The following KCNQ5 variants were observed in gnomAD, a reference collection of about 807,000 sequenced individuals.
KCNQ5 encodes the protein potassium voltage-gated channel subfamily KQT member 5.
A neutral mutation model predicts 98.2 loss-of-function variants in KCNQ5; 30 were observed. The observed-to-expected ratio is 0.31, with a 90% CI of 0.23 to 0.41. The LOEUF (loss-of-function observed/expected upper bound fraction) is 0.41, where lower values mean the gene tolerates loss of function less well. KCNQ5 is among the 10% of genes least tolerant of loss of function. KCNQ5 has a pLI of 1.00. For missense variants in KCNQ5, 835 were observed against 1,182.5 expected (o/e 0.71, Z 4.31); for synonymous variants, 458 against 449.4 (o/e 1.02, Z -0.24).
intron 10 of KCNQ5, among the ~76,000 whole-genome samples, chr6:73,148,256 T>G (rs1382763370): frequency 1.3e-5 from 2 of 152,208 alleles, no homozygotes; most frequent in African/African-American, 2.4e-5. Flanking sequence ...GTAAGTAAGG[T>G]TAATTGACAA....
At chr6:72,948,509 GATTCACAGTCAGT>G (rs1766648720) in intron 1 of KCNQ5, among the ~76,000 whole-genome samples, 1 of 151,864 alleles carries the variant, frequency 6.6e-6, no homozygotes, top group Non-Finnish European at 1.5e-5. Flanking sequence ...CTTTTTAATG[GATTCACAGTCAGT>G]ATAAATTTTT....
At chr6:72,987,213 A>C (rs1240057890) in intron 1 of KCNQ5, 1 of 690,678 alleles carries the variant, frequency 1.4e-6, no homozygotes, top group Non-Finnish European at 2.8e-6. Context: ...TCTGAAAAGG[A>C]AGAAAAAGAA....
In KCNQ5 at chr6:72,703,042, G is replaced by A. The variant is rs574479512; in HGVS notation, c.398+80455G>A. 1.8e-4 allele frequency among the ~76,000 whole-genome samples: 27 copies of A among 152,280 alleles called. 1 individual carries two copies. The highest frequency in any genetic ancestry group is 1.7e-3 in the Admixed American group (26 of 15,290). On this transcript the variant is annotated intron_variant, in intron 1 of 13. Transcript: ENST00000370398. ...GCGCAGCCACAAGGCAGTCTATTTA[G>A]GATGCAGATCTGTTTCTGTCACCCC...
chr6:72,895,797 A>T (rs1779231852), intron 1 of KCNQ5, among the ~76,000 whole-genome samples: 1 of 151,732 alleles, frequency 6.6e-6, no homozygotes, highest in African/African-American at 2.4e-5. Flanking sequence ...AAAGAATGGA[A>T]AAAGGACTTT....
intron 1 of KCNQ5, among the ~76,000 whole-genome samples, chr6:72,706,944 A>G (rs1276503514): frequency 6.6e-6 from 1 of 152,182 alleles, no homozygotes; most frequent in African/African-American, 2.4e-5. Flanking sequence ...CAACATAATC[A>G]TTCTACCAGT....
rs1582174285 is a variant in KCNQ5 at position 73,003,982 on chromosome 6, G to A, written c.473G>A (p.Ser158Asn). 6.2e-7 allele frequency: 1 copy of A among 1,605,488 alleles called. No homozygotes were observed. Among genetic ancestry groups the A allele is most frequent in the Non-Finnish European group, 8.5e-7 (1 of 1,172,432 alleles). The change falls in exon 2 of 14, where the codon AGT becomes AAT. Residue 158 changes from serine (S) to asparagine (N), a missense_variant. By Grantham distance (46) the Ser-to-Asn change is conservative. Around this residue, in one of 10 missense-constraint regions of KCNQ5, gnomAD observed 20 missense variants for 16.1 expected, o/e 1.24. Transcript: ENST00000370398. Reference sequence around the variant, plus strand: ...CCTGAGCACACAAAATTGGCCTCAAGTTGCCTCTTGATCCTGGTAAGTGAA... The same window carrying A: ...CCTGAGCACACAAAATTGGCCTCAAATTGCCTCTTGATCCTGGTAAGTGAA... ...TIPEHTKLAS[S>N]CLLILEFVMI...
Position 73,130,635 on chromosome 6 carries a change from A to C in KCNQ5, c.1248-2786A>C, listed in dbSNP as rs535121566. 1.8e-4 allele frequency among the ~76,000 whole-genome samples: 28 copies of C among 152,352 alleles called. No individual in the cohort carries two copies. In the South Asian group the frequency reaches 5.8e-3, roughly 32 times the overall value. On this transcript the variant is annotated intron_variant, in intron 9 of 13. Transcript: ENST00000370398. ...AAAATAATGAAGACTTCAGTGTTTC[A>C]GTGAAGAGTCTATATTTTTAATCAA... is the stretch of plus-strand genomic sequence containing the variant.
At chr6:72,952,472 A>G (rs958835699) in intron 1 of KCNQ5, among the ~76,000 whole-genome samples, 3 of 152,198 alleles carry the variant, frequency 2.0e-5, no homozygotes, top group Non-Finnish European at 4.4e-5. Flanking sequence ...TCTAGACCAC[A>G]GTAGTCTAGA....
At chr6:72,803,787 A>T (rs1424404374) in intron 1 of KCNQ5, among the ~76,000 whole-genome samples, 3 of 152,094 alleles carry the variant, frequency 2.0e-5, no homozygotes, top group African/African-American at 7.2e-5. Flanking sequence ...ATTTTCCTGA[A>T]GTGGCTTTTC....
intron 1 of KCNQ5, among the ~76,000 whole-genome samples, chr6:72,887,562 AT>A (rs1304001866): frequency 1.3e-5 from 2 of 152,230 alleles, no homozygotes; most frequent in African/African-American, 4.8e-5. Context: ...ATAATTGAAA[AT>A]AATATTTAAT....
chr6:72,742,060 A>G (rs893780439), intron 1 of KCNQ5, among the ~76,000 whole-genome samples: 1 of 152,204 alleles, frequency 6.6e-6, no homozygotes, highest in Non-Finnish European at 1.5e-5. Flanking sequence ...AACTGCCTTC[A>G]TACAGTAATA....
At chr6:73,037,670 T>C (rs921520264) in intron 2 of KCNQ5, among the ~76,000 whole-genome samples, 2 of 152,160 alleles carry the variant, frequency 1.3e-5, no homozygotes, top group African/African-American at 4.8e-5. Flanking sequence ...TTGAGCATAT[T>C]TGTGTGGGTC....
intron 1 of KCNQ5, among the ~76,000 whole-genome samples, chr6:72,872,600 G>A (rs763997497): frequency 5.9e-5 from 9 of 152,178 alleles, no homozygotes; most frequent in Middle Eastern, 6.8e-3. Context: ...ATACCCTAAT[G>A]TGCTTAAGTA....
chr6:72,648,094 A>C (rs1765688564), intron 1 of KCNQ5, among the ~76,000 whole-genome samples: 1 of 152,148 alleles, frequency 6.6e-6, no homozygotes, highest in African/African-American at 2.4e-5. Flanking sequence ...AACCTATGGT[A>C]ATTAAGTTTG....
At chr6:72,974,519 A>G (rs1189825779) in intron 1 of KCNQ5, among the ~76,000 whole-genome samples, 1 of 152,024 alleles carries the variant, frequency 6.6e-6, no homozygotes, top group Non-Finnish European at 1.5e-5. Context: ...ATCAGAAACC[A>G]TTTCTGACTC....
intron 10 of KCNQ5, among the ~76,000 whole-genome samples, chr6:73,145,174 T>C (rs150545658): frequency 2.0e-5 from 3 of 152,328 alleles, no homozygotes; most frequent in Non-Finnish European, 4.4e-5. Context: ...AAAAGGAAAA[T>C]AGCATTGTTA....
chr6:73,045,516 T>C (rs1010099371), intron 3 of KCNQ5, among the ~76,000 whole-genome samples: 2 of 152,224 alleles, frequency 1.3e-5, no homozygotes, highest in Non-Finnish European at 2.9e-5. Flanking sequence ...TAGTCAAGTG[T>C]GTTTTGGGAT....
chr6:73,072,593 C>T (rs943468690), intron 3 of KCNQ5, among the ~76,000 whole-genome samples: 1 of 152,172 alleles, frequency 6.6e-6, no homozygotes, highest in African/African-American at 2.4e-5. Flanking sequence ...CTAAATAATA[C>T]TTGAGCAAAG....
intron 5 of KCNQ5, among the ~76,000 whole-genome samples, chr6:73,098,862 C>A (rs1774636295): frequency 6.6e-6 from 1 of 151,980 alleles, no homozygotes; most frequent in African/African-American, 2.4e-5. Flanking sequence ...AATATTATAG[C>A]ACTATAATTG....
Sources: allele counts gnomAD v4.1 joint callset (sites outside exome capture counted in the v4.1 genomes callset), GRCh38; gene constraint gnomAD v4.1.1; regional missense constraint gnomAD v4.1.1; transcripts MANE v1.5; gene names NCBI Gene and HGNC (gene_info 2026-07-23, HGNC 2026-07-21).